Variants in KGD4 observed in about 807,000 individuals in gnomAD.
KGD4 encodes alpha-ketoglutarate dehydrogenase component 4.
chr5:69,223,153 ACTG>A, the KGD4 span, among the ~76,000 whole-genome samples: 1 of 128,070 alleles, frequency 7.8e-6, no homozygotes, highest in Non-Finnish European at 1.5e-5. Flanking sequence ...ATCTCGGCTC[ACTG>A]CAACCTCTGC....
At chr5:69,225,455 C>T in the KGD4 span, among the ~76,000 whole-genome samples, 6 of 151,286 alleles carry the variant, frequency 4.0e-5, no homozygotes, top group African/African-American at 1.5e-4. Flanking sequence ...TTAGTAGATA[C>T]GAGGTTTCAC....
the KGD4 span, among the ~76,000 whole-genome samples, chr5:69,219,610 G>C: frequency 3.3e-5 from 5 of 151,942 alleles, no homozygotes; most frequent in Non-Finnish European, 7.4e-5. Context: ...AGTAAGGAAT[G>C]GTCTGTGCCC....
chr5:69,218,073 G>C, the KGD4 span: 2 of 766,318 alleles, frequency 2.6e-6, no homozygotes, highest in African/African-American at 1.8e-5. Flanking sequence ...CCGGCGCCGA[G>C]GGTTCGAGCC....
the KGD4 span, among the ~76,000 whole-genome samples, chr5:69,220,241 A>T: frequency 1.3e-5 from 2 of 152,094 alleles, no homozygotes; most frequent in South Asian, 4.1e-4. Context: ...AAAAAAAACA[A>T]AAAAACATAG....
the KGD4 span, chr5:69,218,157 A>G: frequency 3.9e-6 from 2 of 516,126 alleles, no homozygotes; most frequent in Non-Finnish European, 3.4e-6. Flanking sequence ...CTCCGCCAGG[A>G]CCTTGTTAGT....
chr5:69,222,448 A>G, the KGD4 span, among the ~76,000 whole-genome samples: 2 of 152,230 alleles, frequency 1.3e-5, no homozygotes, highest in South Asian at 2.1e-4. Flanking sequence ...CAATGGGTAC[A>G]TAAGACAGTA....
the KGD4 span, among the ~76,000 whole-genome samples, chr5:69,221,040 C>T: frequency 1.3e-5 from 2 of 152,174 alleles, no homozygotes; most frequent in East Asian, 1.9e-4. Context: ...GGGACGTAAA[C>T]ACTGCGGAAG....
the KGD4 span, among the ~76,000 whole-genome samples, chr5:69,219,461 C>G: frequency 6.6e-6 from 1 of 152,142 alleles, no homozygotes; most frequent in African/African-American, 2.4e-5. Context: ...GGCTCTATTT[C>G]TGATAGCCCC....
chr5:69,226,814 C>G, the KGD4 span, among the ~76,000 whole-genome samples: 1 of 151,702 alleles, frequency 6.6e-6, no homozygotes, highest in Non-Finnish European at 1.5e-5. Context: ...TGCCACTGCA[C>G]TCCAGCCTGG....
the KGD4 span, among the ~76,000 whole-genome samples, chr5:69,225,714 AG>A: frequency 6.6e-6 from 1 of 151,712 alleles, no homozygotes; most frequent in African/African-American, 2.4e-5. Context: ...CCAAGTAGCT[AG>A]GATTACAGGC....
chr5:69,221,894 C>T, the KGD4 span, among the ~76,000 whole-genome samples: 110 of 129,908 alleles, frequency 8.5e-4, no homozygotes, highest in African/African-American at 3.2e-3. Context: ...AGGCTGGGCA[C>T]GGTGACTCAT....
At chr5:69,223,924 T>G in the KGD4 span, among the ~76,000 whole-genome samples, 1 of 151,528 alleles carries the variant, frequency 6.6e-6, no homozygotes, top group African/African-American at 2.4e-5. Context: ...TCCCAGCTAC[T>G]TGGGAGGCGG....
At chr5:69,227,147 A>G in the KGD4 span, among the ~76,000 whole-genome samples, 1 of 152,326 alleles carries the variant, frequency 6.6e-6, no homozygotes, top group South Asian at 2.1e-4. Context: ...CTGGGATTAC[A>G]GGCATGAGCC....
the KGD4 span, chr5:69,229,797 C>G: frequency 6.6e-6 from 1 of 151,874 alleles, no homozygotes; most frequent in African/African-American, 2.4e-5. Flanking sequence ...GGTGACTATA[C>G]TATTAAGATA....
the KGD4 span, chr5:69,218,113 T>C: frequency 2.0e-5 from 12 of 611,414 alleles, no homozygotes; most frequent in African/African-American, 2.2e-4. Flanking sequence ...TCTTGGCAGG[T>C]AGGTCCTGTA....
At chr5:69,221,301 A>G in the KGD4 span, among the ~76,000 whole-genome samples, 10 of 152,070 alleles carry the variant, frequency 6.6e-5, no homozygotes, top group African/African-American at 2.4e-4. Context: ...CAGGAGTTTG[A>G]CGCTGCAGTG....
chr5:69,224,210 G>A, the KGD4 span, among the ~76,000 whole-genome samples: 2 of 151,950 alleles, frequency 1.3e-5, no homozygotes, highest in South Asian at 2.1e-4. Flanking sequence ...GGGTAAAATG[G>A]GGAAACTCCA....
At chr5:69,223,359 G>T in the KGD4 span, among the ~76,000 whole-genome samples, 4 of 151,972 alleles carry the variant, frequency 2.6e-5, no homozygotes, top group South Asian at 8.3e-4. Flanking sequence ...CATTACAGGT[G>T]TGAGCCACCA....
chr5:69,224,931 G>A, the KGD4 span, among the ~76,000 whole-genome samples: 5 of 151,744 alleles, frequency 3.3e-5, no homozygotes, highest in Admixed American at 6.6e-5. Context: ...AAAACTAGCC[G>A]GGCGTGGTGG....
Sources: allele counts gnomAD v4.1 joint callset (sites outside exome capture counted in the v4.1 genomes callset), GRCh38; gene constraint gnomAD v4.1.1; transcripts MANE v1.5; gene names NCBI Gene and HGNC (gene_info 2026-07-23, HGNC 2026-07-21).